The following ZSCAN21 variants were observed in gnomAD, a reference collection of about 807,000 sequenced individuals.
ZSCAN21 encodes the protein zinc finger and SCAN domain containing 21.
In ZSCAN21, 26 loss-of-function variants were observed where a neutral mutation model predicts 35.6. The observed-to-expected ratio is 0.73, with a 90% confidence interval of 0.54 to 1.01. ZSCAN21 has a LOEUF of 1.01. Among genes scored for constraint, ZSCAN21 ranks in the 50% least tolerant of loss-of-function variants. The pLI is 0.00. For missense variants in ZSCAN21, 593 were observed against 587.1 expected (o/e 1.01, Z -0.10); for synonymous variants, 219 against 219.3 (o/e 1.00, Z 0.01).
chr7:100,050,409 G>A (rs1791817035), intron 1 of ZSCAN21, among the ~76,000 whole-genome samples: 1 of 152,158 alleles, frequency 6.6e-6, no homozygotes, highest in South Asian at 2.1e-4. Context: ...AAGAGTGTCA[G>A]GACAAAGTTG....
rs753577797 is a variant in ZSCAN21 at position 100,064,088 on chromosome 7, C to T, written c.893C>T (p.Thr298Ile). 3 of 1,614,154 alleles carry T rather than the reference C, an allele frequency of 1.9e-6. No homozygotes were observed. The highest frequency in any genetic ancestry group is 1.7e-6 in the Non-Finnish European group (2 of 1,180,042). ...NSSNLTKHRRTHTGEKPYVCT... is the reference protein window; with the variant it reads ...NSSNLTKHRRIHTGEKPYVCT... ...TCAAATCTCACCAAACACAGGAGAA[C>T]ACACACTGGGGAGAAACCTTACGTG... is the stretch of plus-strand genomic sequence containing the variant. The change falls in exon 4 of 4, where the codon ACA (threonine) becomes ATA (isoleucine). Residue 298 changes from threonine to isoleucine, a missense_variant. Physicochemically the swap from Thr to Ile is moderately conservative, Grantham distance 89 (BLOSUM62 -1). Coordinates refer to ENST00000292450, the MANE Select transcript of ZSCAN21 (RefSeq NM_145914.3).
intron 3 of ZSCAN21, among the ~76,000 whole-genome samples, chr7:100,063,014 C>G (rs1792405628): frequency 6.6e-6 from 1 of 152,192 alleles, no homozygotes; most frequent in African/African-American, 2.4e-5. Flanking sequence ...TATTCAGTCT[C>G]CCAAGTAGCT....
chr7:100,064,360 C>T lies in ZSCAN21; in HGVS notation c.1165C>T (p.Gln389Ter), dbSNP rs1305727134. ...GATCCACACTGGGGAGAAGCCTTAT[C>T]AGTGTAACGAATGTGGGAAGAGCTT... is the stretch of plus-strand genomic sequence containing the variant. ...YRIHTGEKPY[Q>*]CNECGKSFSQ... is the part of the protein sequence containing the mutation. The change falls in exon 4 of 4, where the codon CAG (glutamine) becomes TAG (stop). Residue 389 changes from glutamine (Q) to a stop codon, truncating the protein, a stop_gained. Coordinates refer to ENST00000292450, the MANE Select transcript of ZSCAN21 (RefSeq NM_145914.3). LOFTEE classifies it high-confidence loss of function. 1.2e-6 allele frequency: 2 copies of T among 1,614,124 alleles called. No homozygotes were observed. Among genetic ancestry groups the T allele is most frequent in the Admixed American group, 1.7e-5 (1 of 59,994 alleles).
intron 1 of ZSCAN21, among the ~76,000 whole-genome samples, chr7:100,055,070 C>T (rs1220075530): frequency 2.0e-5 from 3 of 149,666 alleles, no homozygotes; most frequent in Non-Finnish European, 4.4e-5. Context: ...ATTCTCCTGC[C>T]TCAGCCTCCT....
chr7:100,063,306 G>A (rs1437548399), intron 3 of ZSCAN21, among the ~76,000 whole-genome samples: 1 of 152,168 alleles, frequency 6.6e-6, no homozygotes, highest in Non-Finnish European at 1.5e-5. Context: ...GTGTGAAAGT[G>A]TGGTATGGAG....
chr7:100,053,153 G>A (rs1270056125), intron 1 of ZSCAN21, among the ~76,000 whole-genome samples: 2 of 151,406 alleles, frequency 1.3e-5, no homozygotes, highest in African/African-American at 4.9e-5. Flanking sequence ...GAACTGATGT[G>A]CCTAGAATAA....
chr7:100,053,220 CTT>C (rs1435326898), intron 1 of ZSCAN21, among the ~76,000 whole-genome samples: 3 of 151,634 alleles, frequency 2.0e-5, no homozygotes, highest in African/African-American at 7.3e-5. Flanking sequence ...TCCAAGGAAA[CTT>C]TTTTTTCTGT....
chr7:100,061,113 CTGA>C (rs1381804055), intron 3 of ZSCAN21, among the ~76,000 whole-genome samples: 1 of 152,172 alleles, frequency 6.6e-6, no homozygotes, highest in African/African-American at 2.4e-5. Context: ...CAAAGGAATG[CTGA>C]TTAGACTGAT....
chr7:100,054,996 C>G (rs1005417446), intron 1 of ZSCAN21, among the ~76,000 whole-genome samples: 1 of 149,316 alleles, frequency 6.7e-6, no homozygotes, highest in African/African-American at 2.5e-5. Context: ...TGATCTGTCA[C>G]CCAGGCTGGA....
Position 100,064,437 on chromosome 7 carries a change from G to T in ZSCAN21, c.1242G>T (p.Lys414Asn). The T allele has an allele frequency of 1.2e-6, 2 of 1,613,934 alleles. No homozygotes were observed. Among genetic ancestry groups the T allele is most frequent in the Non-Finnish European group, 1.7e-6 (2 of 1,179,994 alleles). The change falls in exon 4 of 4, where the codon AAG (lysine) becomes AAT (asparagine). Residue 414 changes from lysine to asparagine, a missense_variant. Transcript: ENST00000292450. ...SSHQRLHTGEKPYKCKECGKA... is the reference protein window; with the variant it reads ...SSHQRLHTGENPYKCKECGKA... Reference sequence around the variant, plus strand: ...ACCAGAGACTCCACACCGGAGAGAAGCCATATAAGTGTAAGGAGTGTGGGA... The same window carrying T: ...ACCAGAGACTCCACACCGGAGAGAATCCATATAAGTGTAAGGAGTGTGGGA...
Position 100,065,037 on chromosome 7 carries a change from G to C in ZSCAN21, c.*420G>C. 8.2e-7 allele frequency: 1 copy of C among 1,221,080 alleles called. No homozygotes were observed. Among genetic ancestry groups the C allele is most frequent in the Non-Finnish European group, 1.1e-6 (1 of 870,740 alleles). The allele number at this position is 1,221,080 out of a possible 1,614,324, so 75.6% of individuals were successfully genotyped here. A position where few individuals can be genotyped will look rare whatever the true frequency, so the allele number is the denominator to read the frequency against. On this transcript the variant is annotated 3_prime_UTR_variant, in exon 4 of 4. Transcript: ENST00000292450. Reference sequence around the variant, plus strand: ...ATTCAGAATAAACTTATAACATCTTGTAATGCCTCAGGACTATTATTATAA... The same window carrying C: ...ATTCAGAATAAACTTATAACATCTTCTAATGCCTCAGGACTATTATTATAA...
chr7:100,061,069 A>C (rs1442029897), intron 3 of ZSCAN21, among the ~76,000 whole-genome samples: 1 of 152,128 alleles, frequency 6.6e-6, no homozygotes, highest in African/African-American at 2.4e-5. Flanking sequence ...GGGTCTCAAA[A>C]GTAACCAAGA....
intron 1 of ZSCAN21, among the ~76,000 whole-genome samples, chr7:100,053,050 C>A (rs1487993134): frequency 6.7e-6 from 1 of 150,088 alleles, no homozygotes; most frequent in East Asian, 2.0e-4. Flanking sequence ...AACTTGAACT[C>A]GGGAGGCGAA....
chr7:100,062,887 A>C (rs1193618027), intron 3 of ZSCAN21, among the ~76,000 whole-genome samples: 1 of 152,118 alleles, frequency 6.6e-6, no homozygotes, highest in African/African-American at 2.4e-5. Flanking sequence ...ATAAATAAAT[A>C]AAATAAATAT....
At chr7:100,058,519 C>G (rs1008739472) in intron 3 of ZSCAN21, among the ~76,000 whole-genome samples, 1 of 152,150 alleles carries the variant, frequency 6.6e-6, no homozygotes, top group Admixed American at 6.5e-5. Flanking sequence ...GGGCACAGGG[C>G]GGGTCAGAGA....
chr7:100,051,957 GT>G (rs1386948529), intron 1 of ZSCAN21, among the ~76,000 whole-genome samples: 2 of 152,004 alleles, frequency 1.3e-5, no homozygotes, highest in African/African-American at 4.8e-5. Flanking sequence ...AAGAGACAGG[GT>G]TTTCCTTTGT....
chr7:100,062,353 G>A (rs1792350428), intron 3 of ZSCAN21, among the ~76,000 whole-genome samples: 1 of 149,460 alleles, frequency 6.7e-6, no homozygotes. Context: ...CACTTCGGGA[G>A]GCTGAGGCGG....
At chr7:100,061,621 T>G (rs1020639913) in intron 3 of ZSCAN21, among the ~76,000 whole-genome samples, 1 of 152,182 alleles carries the variant, frequency 6.6e-6, no homozygotes, top group African/African-American at 2.4e-5. Flanking sequence ...AAGCGATTGC[T>G]AATTATGGAG....
intron 1 of ZSCAN21, among the ~76,000 whole-genome samples, chr7:100,053,441 C>A (rs1656044580): frequency 6.6e-6 from 1 of 151,610 alleles, no homozygotes; most frequent in African/African-American, 2.4e-5. Flanking sequence ...CTTTCCTGGT[C>A]TTAGGGTGCC....
Sources: allele counts gnomAD v4.1 joint callset (sites outside exome capture counted in the v4.1 genomes callset), GRCh38; gene constraint gnomAD v4.1.1; transcripts MANE v1.5; gene names NCBI Gene and HGNC (gene_info 2026-07-23, HGNC 2026-07-21).